GOLGA4: variants seen among roughly 807,000 people sequenced by gnomAD.
GOLGA4 encodes golgin A4.
Under a neutral mutation model 265.9 loss-of-function variants are expected in GOLGA4, and 169 were observed. The ratio of observed to expected loss-of-function variants is 0.64; its 90% CI spans 0.56 to 0.72. The LOEUF (loss-of-function observed/expected upper bound fraction) is 0.72. GOLGA4 is among the 30% of genes least tolerant of loss of function. The probability of loss-of-function intolerance (pLI) is 0.00; values close to 1 mark genes in which losing one functional copy is unlikely to be tolerated. For synonymous variants in GOLGA4, 923 were observed against 855.8 expected (o/e 1.08, Z -1.37); for missense variants, 2,482 against 2,483.4 (o/e 1.00, Z 0.01).
In GOLGA4 at chr3:37,327,047, C is replaced by A; in HGVS notation, c.5161C>A (p.Gln1721Lys). The change falls in exon 14 of 24, where the codon CAA (glutamine) becomes AAA (lysine). Residue 1721 changes from glutamine to lysine, a missense_variant. Physicochemically the swap from Gln to Lys is moderately conservative, Grantham distance 53. Transcript: ENST00000361924. ...AAAAAATGTGGCAGCATATACTGAA[C>A]AAGAAGAAGCAGATTCCCAAGGCTG... ...SAKNVAAYTE[Q>K]EEADSQGCVQ... 1.2e-6 allele frequency: 2 copies of A among 1,613,706 alleles called. No individual in the cohort carries two copies. Among genetic ancestry groups the A allele is most frequent in the Non-Finnish European group, 1.7e-6 (2 of 1,179,794 alleles).
chr3:37,350,126 C>A (rs888093266), intron 21 of GOLGA4, among the ~76,000 whole-genome samples: 1 of 152,148 alleles, frequency 6.6e-6, no homozygotes, highest in Non-Finnish European at 1.5e-5. Flanking sequence ...ACTTGTAAAT[C>A]AGGTGGCTCA....
At position 37,327,721 on chromosome 3, in the gene GOLGA4, G is replaced by A. The variant is rs900109398; in HGVS notation, c.5835G>A (p.Glu1945=). The A allele has an allele frequency of 6.2e-7, 1 of 1,613,762 alleles. No individual in the cohort carries two copies. Among genetic ancestry groups the A allele is most frequent in the Admixed American group, 1.7e-5 (1 of 60,006 alleles). Residue 1945 remains glutamate, a synonymous_variant, in exon 14 of 24, where the codon GAG becomes GAA. Coordinates refer to ENST00000361924, the MANE Select transcript of GOLGA4 (RefSeq NM_002078.5). Reference sequence around the variant, plus strand: ...GGGAGAAACAGAAACTGGGCAAGGAGATTGTTAGATTGCAGAAAGACCTTC... The same window carrying A: ...GGGAGAAACAGAAACTGGGCAAGGAAATTGTTAGATTGCAGAAAGACCTTC... ...AEREKQKLGK[E]IVRLQKDLRM...
At chr3:37,261,195 G>C (rs777685372) in intron 2 of GOLGA4, among the ~76,000 whole-genome samples, 1 of 152,118 alleles carries the variant, frequency 6.6e-6, no homozygotes, top group South Asian at 2.1e-4. Context: ...AAAGTCTGCT[G>C]GTTGTTGTTG....
At chr3:37,263,235 A>G (rs536382574) in intron 2 of GOLGA4, among the ~76,000 whole-genome samples, 14 of 152,226 alleles carry the variant, frequency 9.2e-5, no homozygotes, top group Non-Finnish European at 1.9e-4. Context: ...AGGCTCTACC[A>G]TGTATCCTAG....
At chr3:37,260,586 C>T (rs2096766982) in intron 2 of GOLGA4, among the ~76,000 whole-genome samples, 1 of 146,924 alleles carries the variant, frequency 6.8e-6, no homozygotes, top group Non-Finnish European at 1.5e-5. Flanking sequence ...TCCAGTGAGC[C>T]AAGATTATGC....
chr3:37,273,394 A>G, intron 2 of GOLGA4: 2 of 606,554 alleles, frequency 3.3e-6, no homozygotes, highest in South Asian at 2.0e-5. Flanking sequence ...GCATGAAAAC[A>G]TTCTAATAAA....
rs1234597926 is a variant in GOLGA4, at chr3:37,300,710, C to A, written c.1086+1339C>A. ...TTTTTCCAAAAGTATTTTAATATAT[C>A]TTTAAAATAAAAGACATTATTTTTA... On this transcript the variant is annotated intron_variant, in intron 9 of 23. Coordinates refer to ENST00000361924, the MANE Select transcript of GOLGA4 (RefSeq NM_002078.5). Among the ~76,000 whole-genome samples, 4 of 152,140 alleles carry A rather than the reference C, an allele frequency of 2.6e-5. No individual in the cohort carries two copies. The East Asian group carries it at 7.7e-4, about 29-fold the overall frequency.
chr3:37,317,762 G>C (rs1456022044), intron 11 of GOLGA4, among the ~76,000 whole-genome samples: 4 of 151,918 alleles, frequency 2.6e-5, no homozygotes, highest in Non-Finnish European at 5.9e-5. Flanking sequence ...CGAAATCCTT[G>C]ACTCACTTTT....
chr3:37,366,012 A>C, intron 23 of GOLGA4, 68 bp from the exon 24 acceptor site: 1 of 1,335,448 alleles, frequency 7.5e-7, no homozygotes, highest in Non-Finnish European at 1.0e-6. Context: ...ATATCCCAAA[A>C]AGTCAACCTA....
At chr3:37,344,741 T>C (rs770083819) in intron 20 of GOLGA4, among the ~76,000 whole-genome samples, 2 of 152,198 alleles carry the variant, frequency 1.3e-5, no homozygotes, top group African/African-American at 2.4e-5. Flanking sequence ...TGAATGTCCA[T>C]AGAAATTTTA....
In GOLGA4 at chr3:37,321,851, C is replaced by T. The variant is rs113898889; in HGVS notation, c.1666C>T (p.Arg556Trp). ...CCTCACAGAAAGTGAAAATAAACTT[C>T]GGGACCTTCAGCAAGAAGCAGAGAC... Reference protein sequence around the residue: ...AILTESENKLRDLQQEAETYR... With the variant: ...AILTESENKLWDLQQEAETYR... Residue 556 changes from arginine (R) to tryptophan (W), a missense_variant, in exon 13 of 24, where the codon CGG becomes TGG. Arg to Trp is a moderately radical substitution (Grantham distance 101). Transcript: ENST00000361924. 81 of 1,611,780 alleles carry T rather than the reference C, an allele frequency of 5.0e-5. No homozygotes were observed. Among genetic ancestry groups the T allele is most frequent in the South Asian group, 5.0e-4 (45 of 90,612 alleles).
chr3:37,284,699 C>A (rs1361873398), intron 3 of GOLGA4, among the ~76,000 whole-genome samples: 1 of 149,872 alleles, frequency 6.7e-6, no homozygotes, highest in Admixed American at 6.6e-5. Flanking sequence ...GGTCTTACTC[C>A]CTCACCCAGG....
At chr3:37,353,332 G>C (rs2097080668) in intron 21 of GOLGA4, among the ~76,000 whole-genome samples, 1 of 152,020 alleles carries the variant, frequency 6.6e-6, no homozygotes, top group African/African-American at 2.4e-5. Flanking sequence ...CCTTCAATCT[G>C]CAAAATAAAA....
chr3:37,294,298 T>C (rs1472527781), intron 5 of GOLGA4, among the ~76,000 whole-genome samples: 2 of 152,092 alleles, frequency 1.3e-5, no homozygotes, highest in African/African-American at 4.8e-5. Context: ...ATCTGTTTGG[T>C]ATATAATAAT....
rs2096839138 is a variant in GOLGA4, at chr3:37,283,094, G to GTT, written c.477+823_477+824insTT. 4.6e-5 allele frequency among the ~76,000 whole-genome samples: 7 copies of GTT among 152,224 alleles called. No individual in the cohort carries two copies. In the South Asian group the frequency reaches 1.5e-3, roughly 32 times the overall value. On this transcript the variant is annotated intron_variant, in intron 3 of 23. Coordinates refer to ENST00000361924, the MANE Select transcript of GOLGA4 (RefSeq NM_002078.5). ...TAATGAATACTAAAGTTCAGAGTCA[G>GTT]TATATTAAAGATAGTTGTAACTTCT...
At chr3:37,253,017 G>A (rs756493733) in intron 2 of GOLGA4, among the ~76,000 whole-genome samples, 2 of 152,252 alleles carry the variant, frequency 1.3e-5, no homozygotes, top group Middle Eastern at 3.4e-3. Context: ...GGAAGGCCAA[G>A]GCAGGAGGAT....
intron 2 of GOLGA4, chr3:37,275,958 A>T (rs1486322340): frequency 1.1e-5 from 17 of 1,613,402 alleles, no homozygotes; most frequent in Middle Eastern, 1.7e-4. Flanking sequence ...CTTGACGAAA[A>T]GAAGAAAGAA....
At chr3:37,292,741 A>G (rs2096868302) in intron 5 of GOLGA4, among the ~76,000 whole-genome samples, 2 of 152,212 alleles carry the variant, frequency 1.3e-5, no homozygotes. Flanking sequence ...CCCAGGATAA[A>G]GTAACAGCTA....
At chr3:37,349,918 C>T (rs1173030773) in intron 21 of GOLGA4, among the ~76,000 whole-genome samples, 1 of 152,176 alleles carries the variant, frequency 6.6e-6, no homozygotes, top group Non-Finnish European at 1.5e-5. Flanking sequence ...ATATATAGTA[C>T]ATACGTTCTT....
Sources: allele counts gnomAD v4.1 joint callset (sites outside exome capture counted in the v4.1 genomes callset), GRCh38; gene constraint gnomAD v4.1.1; transcripts MANE v1.5; gene names NCBI Gene and HGNC (gene_info 2026-07-23, HGNC 2026-07-21).